Variants in NOL4 observed in about 807,000 individuals in gnomAD.
The protein encoded by NOL4 is cancer/testis antigen 125.
A neutral mutation model predicts 75.9 loss-of-function variants in NOL4; 17 were observed. That is an observed-to-expected ratio of 0.22 (90% CI 0.15 to 0.34). NOL4 has a LOEUF of 0.34. NOL4 is among the 10% of genes least tolerant of loss of function. The pLI, the probability that NOL4 is intolerant of heterozygous loss-of-function variation, is 1.00. For synonymous variants in NOL4, 292 were observed against 289.9 expected (o/e 1.01, Z -0.07); for missense variants, 614 against 793.5 (o/e 0.77, Z 2.72).
At chr18:34,019,148 CAT>C (rs2074882003) in intron 6 of NOL4, among the ~76,000 whole-genome samples, 168 bp downstream of exon 6, 1 of 152,152 alleles carries the variant, frequency 6.6e-6, no homozygotes, top group Non-Finnish European at 1.5e-5. Flanking sequence ...TTCCTGAAAT[CAT>C]ATGTTATAAA....
chr18:33,996,696 A>G (rs2073311236), intron 6 of NOL4, among the ~76,000 whole-genome samples: 1 of 151,848 alleles, frequency 6.6e-6, no homozygotes, highest in Non-Finnish European at 1.5e-5. Flanking sequence ...TGCTTAGAAT[A>G]ATGGCTTCCA....
chr18:34,168,705 T>C (rs1367208641), intron 1 of NOL4, among the ~76,000 whole-genome samples: 1 of 151,718 alleles, frequency 6.6e-6, no homozygotes, highest in Non-Finnish European at 1.5e-5. Context: ...TACAATATGG[T>C]AGGAGTCAAA....
intron 1 of NOL4, among the ~76,000 whole-genome samples, chr18:34,164,787 C>A (rs2146208677): frequency 1.3e-5 from 2 of 151,842 alleles, no homozygotes; most frequent in East Asian, 3.9e-4. Flanking sequence ...AAGACACATG[C>A]ACACGTATGT....
At chr18:34,121,235 T>C (rs1161060286) in intron 2 of NOL4, 1 of 152,202 alleles carries the variant, frequency 6.6e-6, no homozygotes, top group Non-Finnish European at 1.5e-5. Context: ...AGTACTTACA[T>C]GGGAGTGTGG....
At chr18:34,114,776 AT>A (rs1358469776) in intron 2 of NOL4, among the ~76,000 whole-genome samples, 11 of 152,230 alleles carry the variant, frequency 7.2e-5, no homozygotes, top group Non-Finnish European at 1.2e-4. Flanking sequence ...TCAAACAAGG[AT>A]TTCCCAAATA....
chr18:33,925,232 T>C (rs535168437), intron 9 of NOL4, among the ~76,000 whole-genome samples: 1 of 152,304 alleles, frequency 6.6e-6, no homozygotes, highest in African/African-American at 2.4e-5. Flanking sequence ...CTTTGATAAC[T>C]GAATAGTGAA....
At chr18:34,021,488 A>G (rs988945745) in intron 5 of NOL4, among the ~76,000 whole-genome samples, 7 of 152,184 alleles carry the variant, frequency 4.6e-5, no homozygotes, top group African/African-American at 1.7e-4. Flanking sequence ...ATACCAAGAA[A>G]AGCATTTTGT....
intron 1 of NOL4, among the ~76,000 whole-genome samples, chr18:34,178,355 T>C (rs1188147474): frequency 1.3e-5 from 2 of 151,452 alleles, no homozygotes; most frequent in African/African-American, 2.4e-5. Flanking sequence ...GACACAGACA[T>C]AGAAAACAAA....
At chr18:34,140,300 T>C (rs935066073) in intron 1 of NOL4, among the ~76,000 whole-genome samples, 24 of 152,148 alleles carry the variant, frequency 1.6e-4, no homozygotes, top group Non-Finnish European at 2.6e-4. Flanking sequence ...CCAACTATTA[T>C]TGTGTGGGAG....
intron 10 of NOL4, among the ~76,000 whole-genome samples, chr18:33,879,336 A>C (rs930045945): frequency 3.9e-5 from 6 of 152,034 alleles, no homozygotes; most frequent in African/African-American, 1.4e-4. Flanking sequence ...GCATTCTATA[A>C]GTACTTTTCA....
At chr18:34,007,997 G>T (rs2074135666) in intron 6 of NOL4, among the ~76,000 whole-genome samples, 1 of 151,994 alleles carries the variant, frequency 6.6e-6, no homozygotes, top group East Asian at 1.9e-4. Context: ...GATGTTTCTG[G>T]AAGAGATTAG....
intron 6 of NOL4, among the ~76,000 whole-genome samples, chr18:34,008,301 A>T (rs1167143755): frequency 6.6e-6 from 1 of 151,868 alleles, no homozygotes; most frequent in Non-Finnish European, 1.5e-5. Flanking sequence ...CTGACAGCAG[A>T]TCATTGAATT....
intron 5 of NOL4, among the ~76,000 whole-genome samples, chr18:34,058,918 C>T (rs2076943642): frequency 6.6e-6 from 1 of 151,846 alleles, no homozygotes; most frequent in Non-Finnish European, 1.5e-5. Flanking sequence ...TTTCTGTTGA[C>T]CTAGAAAGCC....
intron 6 of NOL4, among the ~76,000 whole-genome samples, chr18:33,990,246 T>A (rs771650233): frequency 6.6e-6 from 1 of 152,056 alleles, no homozygotes; most frequent in Admixed American, 6.6e-5. Context: ...TTTTTGTATC[T>A]CACATCAGAT....
At chr18:33,907,986 A>C (rs886500513) in intron 9 of NOL4, among the ~76,000 whole-genome samples, 1 of 152,186 alleles carries the variant, frequency 6.6e-6, no homozygotes, top group Non-Finnish European at 1.5e-5. Context: ...AAACAACTTG[A>C]CTTTCTTTTC....
chr18:34,078,228 G>T lies in NOL4; in HGVS notation c.772+15237C>A, dbSNP rs187361335. On this transcript the variant is annotated intron_variant, in intron 5 of 10. Transcript: ENST00000261592. The stretch of plus-strand genomic sequence containing the variant: ...AATGAAATGAATGTTAGCTTCAGAG[G>T]ATGGTGGTCGTAACCCTATCAACAT... 9.2e-5 allele frequency among the ~76,000 whole-genome samples: 14 copies of T among 152,224 alleles called. No homozygotes were observed. The East Asian group carries it at 2.7e-3, about 29-fold the overall frequency.
At chr18:33,880,406 A>AAT (rs2064194564) in intron 10 of NOL4, among the ~76,000 whole-genome samples, 1 of 151,736 alleles carries the variant, frequency 6.6e-6, no homozygotes, top group Admixed American at 6.6e-5. Context: ...CAATTATAAG[A>AAT]ACACTATCCA....
intron 2 of NOL4, among the ~76,000 whole-genome samples, chr18:34,105,457 A>C: frequency 6.6e-6 from 1 of 152,082 alleles, no homozygotes. Flanking sequence ...CAGATGTCCT[A>C]GTGAATTTTC....
At chr18:34,019,768 G>T (rs951594485) in intron 5 of NOL4, among the ~76,000 whole-genome samples, 167 bp from the exon 6 acceptor site, 1 of 150,368 alleles carries the variant, frequency 6.7e-6, no homozygotes, top group Non-Finnish European at 1.5e-5. Context: ...TTTTAATCTA[G>T]TAGGCACATG....
Sources: gnomAD v4.1 joint callset for allele counts (sites outside exome capture counted in the v4.1 genomes callset) on GRCh38, gnomAD v4.1.1 for gene constraint, MANE v1.5 for transcripts, NCBI Gene and HGNC (gene_info 2026-07-23, HGNC 2026-07-21) for gene names.